The following EFCAB6 variants were observed in gnomAD, a reference collection of about 807,000 sequenced individuals.
The protein encoded by EFCAB6 is EF-hand calcium-binding domain-containing protein 6.
Under a neutral mutation model 169.8 loss-of-function variants are expected in EFCAB6, and 156 were observed. The ratio of observed to expected loss-of-function variants is 0.92; its 90% CI spans 0.81 to 1.05. EFCAB6 has a LOEUF of 1.05. EFCAB6 is among the 50% of genes least tolerant of loss of function. The pLI is 0.00. For synonymous variants in EFCAB6, 698 were observed against 676.4 expected, an observed-to-expected ratio of 1.03 and a Z score of -0.50; for missense variants, 1,800 against 1,829.1, an observed-to-expected ratio of 0.98 and a Z score of 0.29.
chr22:43,758,564 A>C (rs1308876983), intron 5 of EFCAB6, among the ~76,000 whole-genome samples: 1 of 152,206 alleles, frequency 6.6e-6, no homozygotes, highest in African/African-American at 2.4e-5. Context: ...CTAATGTTTT[A>C]ACTCTAAACT....
chr22:43,635,780 T>C (rs1225985008), intron 17 of EFCAB6, among the ~76,000 whole-genome samples: 3 of 152,178 alleles, frequency 2.0e-5, no homozygotes, highest in Non-Finnish European at 4.4e-5. Flanking sequence ...TCCAAACACA[T>C]GACCTACTGT....
chr22:43,581,014 G>A (rs938070800), intron 24 of EFCAB6, among the ~76,000 whole-genome samples: 2 of 152,196 alleles, frequency 1.3e-5, no homozygotes, highest in Admixed American at 6.5e-5. Flanking sequence ...TATGACGGGG[G>A]CACGTGAAAG....
At chr22:43,692,465 A>G (rs1603231009) in intron 10 of EFCAB6, among the ~76,000 whole-genome samples, 1 of 152,342 alleles carries the variant, frequency 6.6e-6, no homozygotes, top group East Asian at 1.9e-4. Context: ...CAATGATTAC[A>G]ACTATCTTCA....
intron 17 of EFCAB6, among the ~76,000 whole-genome samples, chr22:43,666,511 A>G (rs962985912): frequency 6.6e-6 from 1 of 152,186 alleles, no homozygotes; most frequent in Non-Finnish European, 1.5e-5. Flanking sequence ...TTTCCTTAAA[A>G]ATAGCTGAGG....
intron 24 of EFCAB6, among the ~76,000 whole-genome samples, chr22:43,583,837 G>A (rs531971342): frequency 1.3e-5 from 2 of 151,314 alleles, no homozygotes; most frequent in African/African-American, 2.4e-5. Flanking sequence ...ATGAATTTCT[G>A]TTGTTTATAA....
At chr22:43,694,236 GA>G (rs1049681511) in intron 10 of EFCAB6, among the ~76,000 whole-genome samples, 5 of 151,770 alleles carry the variant, frequency 3.3e-5, no homozygotes, top group African/African-American at 1.2e-4. Flanking sequence ...AACATTTGTT[GA>G]AAAACACAAA....
At chr22:43,632,560 A>G (rs2055055614) in intron 18 of EFCAB6, among the ~76,000 whole-genome samples, 1 of 152,106 alleles carries the variant, frequency 6.6e-6, no homozygotes, top group African/African-American at 2.4e-5. Flanking sequence ...TCAGCCTCCC[A>G]AAGTGCTGGG....
chr22:43,764,825 A>G (rs1368499760), intron 5 of EFCAB6, among the ~76,000 whole-genome samples: 1 of 152,214 alleles, frequency 6.6e-6, no homozygotes, highest in Non-Finnish European at 1.5e-5. Context: ...GTTGCAAAAA[A>G]AAAAGAGTCC....
At chr22:43,685,673 A>G (rs1432241552) in intron 11 of EFCAB6, among the ~76,000 whole-genome samples, 1 of 152,202 alleles carries the variant, frequency 6.6e-6, no homozygotes, top group Non-Finnish European at 1.5e-5. Context: ...TTGATCTTGC[A>G]AAAGACTTAG....
intron 5 of EFCAB6, among the ~76,000 whole-genome samples, chr22:43,763,840 T>C (rs2061243516): frequency 6.6e-6 from 1 of 152,148 alleles, no homozygotes; most frequent in Non-Finnish European, 1.5e-5. Context: ...GGCACAATCT[T>C]GGCTCACTGC....
chr22:43,808,175 T>C (rs1202188263), intron 2 of EFCAB6, among the ~76,000 whole-genome samples: 7 of 152,224 alleles, frequency 4.6e-5, no homozygotes, highest in Non-Finnish European at 7.3e-5. Context: ...ACGATTTCCA[T>C]AGCATTTACA....
At chr22:43,750,850 A>G (rs1005613693) in intron 6 of EFCAB6, among the ~76,000 whole-genome samples, 1 of 152,228 alleles carries the variant, frequency 6.6e-6, no homozygotes, top group African/African-American at 2.4e-5. Context: ...CTTCATGAGG[A>G]TATTACAGAG....
intron 19 of EFCAB6, among the ~76,000 whole-genome samples, chr22:43,627,785 A>G (rs1435660739): frequency 6.6e-6 from 1 of 152,180 alleles, no homozygotes; most frequent in Non-Finnish European, 1.5e-5. Flanking sequence ...GTTACTTAGG[A>G]TATCAAGCAA....
At chr22:43,632,744 C>T (rs928375463) in intron 18 of EFCAB6, among the ~76,000 whole-genome samples, 1 of 151,702 alleles carries the variant, frequency 6.6e-6, no homozygotes, top group African/African-American at 2.4e-5. Flanking sequence ...CAGACACTTT[C>T]CTCCTCTTCC....
intron 9 of EFCAB6, among the ~76,000 whole-genome samples, chr22:43,715,306 T>G (rs773629966): frequency 6.6e-6 from 1 of 152,132 alleles, no homozygotes; most frequent in Non-Finnish European, 1.5e-5. Context: ...CTGTTTACAC[T>G]CAGCCCCAGG....
At chr22:43,675,020 A>T (rs1231814951) in intron 13 of EFCAB6, among the ~76,000 whole-genome samples, 2 of 151,946 alleles carry the variant, frequency 1.3e-5, no homozygotes, top group East Asian at 3.8e-4. Context: ...TCACACACGC[A>T]TCTACTACCT....
chr22:43,784,574 C>CACATGTATATGTAT (rs1569487338), intron 2 of EFCAB6, among the ~76,000 whole-genome samples: 2 of 54,802 alleles, frequency 3.6e-5, no homozygotes, highest in Non-Finnish European at 6.4e-5. Context: ...TATATGTGTA[C>CACATGTATATGTAT]ATATACACAT....
chr22:43,808,187 T>A (rs2062985318), intron 2 of EFCAB6, among the ~76,000 whole-genome samples: 2 of 152,332 alleles, frequency 1.3e-5, no homozygotes, highest in Admixed American at 1.3e-4. Context: ...GCATTTACAT[T>A]GTATTAGGTA....
In EFCAB6 at chr22:43,678,053, C is replaced by T. The variant is rs1280444772; in HGVS notation, c.1362G>A (p.Gly454=). 6.2e-7 allele frequency: 1 copy of T among 1,613,822 alleles called. No homozygotes were observed. The highest frequency in any genetic ancestry group is 1.1e-5 in the South Asian group (1 of 91,066). Residue 454 remains glycine, a synonymous_variant, in exon 13 of 32, where the codon GGG becomes GGA. Coordinates refer to ENST00000262726, the MANE Select transcript of EFCAB6 (RefSeq NM_022785.4). ...FKELMQMLDP[G]DTGVVNTSMF... is the part of the protein sequence containing the mutation. Reference sequence around the variant, plus strand: ...TGCTGGTGTTGACCACTCCAGTGTCCCCAGGGTCAAGCATTTGCATTAGTT... The same window carrying T: ...TGCTGGTGTTGACCACTCCAGTGTCTCCAGGGTCAAGCATTTGCATTAGTT...
Sources: allele counts gnomAD v4.1 joint callset (sites outside exome capture counted in the v4.1 genomes callset), GRCh38; gene constraint gnomAD v4.1.1; transcripts MANE v1.5; gene names NCBI Gene and HGNC (gene_info 2026-07-23, HGNC 2026-07-21).